N4BP2L2: variants seen among roughly 807,000 people sequenced by gnomAD.
The protein encoded by N4BP2L2 is NEDD4-binding protein 2-like 2.
A neutral mutation model predicts 56.2 loss-of-function variants in N4BP2L2; 50 were observed. That is an observed-to-expected ratio of 0.89 (90% confidence interval 0.71 to 1.13). The LOEUF (loss-of-function observed/expected upper bound fraction) is 1.13, where lower values mean the gene tolerates loss of function less well. Among genes scored for constraint, N4BP2L2 ranks in the 50% most tolerant of loss-of-function variants. The pLI is 0.00. For missense variants in N4BP2L2, 689 were observed against 693.8 expected (o/e 0.99, Z 0.08); for synonymous variants, 203 against 223.6 (o/e 0.91, Z 0.82).
chr13:32,443,953 T>C (rs200162925), exon 7 of N4BP2L2: 1 of 1,601,594 alleles, frequency 6.2e-7, no homozygotes, highest in Non-Finnish European at 8.5e-7. Flanking sequence ...CTTTTCAATG[T>C]CTTCCTCTTC....
intron 9 of N4BP2L2, among the ~76,000 whole-genome samples, chr13:32,435,986 C>T (rs532137976): frequency 1.3e-5 from 2 of 152,246 alleles, no homozygotes; most frequent in African/African-American, 4.8e-5. Flanking sequence ...TACCTCTTTT[C>T]CTAGAGAATC....
rs2076575506 is a variant in N4BP2L2, at chr13:32,442,895, GTT to G, written c.1595_1596del (p.Lys532ThrfsTer5). On this transcript the variant is annotated frameshift_variant, in exon 7 of 10. Transcript: ENST00000357505. LOFTEE classifies it high-confidence loss of function. ...AATGGATGATGATCAAAGGTCATAA[GTT>G]TTTGTTTATTCTCCTCTTCACTGTT... 8.7e-6 allele frequency: 14 copies of G among 1,612,862 alleles called. No homozygotes were observed. Among genetic ancestry groups the G allele is most frequent in the Non-Finnish European group, 1.1e-5 (13 of 1,179,522 alleles).
chr13:32,495,261 T>TA (rs927064675), intron 6 of N4BP2L2, among the ~76,000 whole-genome samples: 4 of 152,110 alleles, frequency 2.6e-5, no homozygotes, highest in African/African-American at 9.7e-5. Flanking sequence ...ATTTGGCAAA[T>TA]AGTGTCCTGA....
exon 6 of N4BP2L2, chr13:32,517,457 A>C: frequency 9.9e-7 from 1 of 1,007,598 alleles, no homozygotes; most frequent in Non-Finnish European, 1.2e-6. Context: ...TTAGATTTAG[A>C]TATGAACTAT....
exon 6 of N4BP2L2, chr13:32,510,601 C>T (rs1271894173): frequency 5.3e-5 from 8 of 150,318 alleles, no homozygotes; most frequent in African/African-American, 2.5e-5. Flanking sequence ...CAGGTTCAAG[C>T]GATTCTCCTA....
At chr13:32,484,893 TAA>T (rs2085546293) in intron 6 of N4BP2L2, among the ~76,000 whole-genome samples, 1 of 152,244 alleles carries the variant, frequency 6.6e-6, no homozygotes, top group Non-Finnish European at 1.5e-5. Context: ...ACCTCATAAC[TAA>T]ATTATTGCCA....
chr13:32,537,249 AAT>A (rs1044024543), intron 1 of N4BP2L2, among the ~76,000 whole-genome samples: 11 of 151,368 alleles, frequency 7.3e-5, no homozygotes, highest in African/African-American at 1.9e-4. Context: ...CTTTTTGAAA[AAT>A]ATATATATAT....
At chr13:32,470,417 C>T (rs1181354258) in intron 6 of N4BP2L2, among the ~76,000 whole-genome samples, 2 of 152,158 alleles carry the variant, frequency 1.3e-5, no homozygotes, top group African/African-American at 4.8e-5. Context: ...AATAGCCAAG[C>T]AGGCTATTCG....
Position 32,513,246 on chromosome 13 carries a change from A to G in N4BP2L2, c.*4556T>C, listed in dbSNP as rs936994347. 4 of 152,238 alleles carry G rather than the reference A, an allele frequency of 2.6e-5. No homozygotes were observed. In the East Asian group the frequency reaches 7.7e-4, roughly 29 times the overall value. The allele number at this position is 152,238 out of a possible 1,614,324, so 9.4% of individuals were successfully genotyped here. A position where few individuals can be genotyped will look rare whatever the true frequency, so the allele number is the denominator to read the frequency against. On this transcript the variant is annotated 3_prime_UTR_variant, in exon 6 of 6. Transcript: ENST00000267068. ...GAAACTTACAAACCATGCAAAAGTG[A>G]AAACTTAGGCTTAACATATTTGGCA... is the stretch of plus-strand genomic sequence containing the variant.
At chr13:32,521,139 G>A (rs1324255168) in intron 5 of N4BP2L2, among the ~76,000 whole-genome samples, 1 of 152,086 alleles carries the variant, frequency 6.6e-6, no homozygotes, top group Non-Finnish European at 1.5e-5. Context: ...AGAAAAGTGG[G>A]AGCAACATGA....
chr13:32,531,504 T>C (rs751754848), intron 2 of N4BP2L2, among the ~76,000 whole-genome samples: 3 of 152,220 alleles, frequency 2.0e-5, no homozygotes, highest in African/African-American at 7.2e-5. Flanking sequence ...TAAGTAAAAC[T>C]GACACATCAT....
chr13:32,433,931 C>CAAAAAAAAA (rs60540916), intron 9 of N4BP2L2, among the ~76,000 whole-genome samples: 1 of 86,124 alleles, frequency 1.2e-5, no homozygotes, highest in Non-Finnish European at 2.2e-5. Flanking sequence ...GACCGTGTCT[C>CAAAAAAAAA]AAAAAAAAAA....
At chr13:32,532,192 G>A (rs2055013218) in intron 2 of N4BP2L2, among the ~76,000 whole-genome samples, 1 of 152,196 alleles carries the variant, frequency 6.6e-6, no homozygotes, top group African/African-American at 2.4e-5. Context: ...TATCTTTGGA[G>A]GGGTACATTA....
At position 32,517,757 on chromosome 13, in the gene N4BP2L2, C is replaced by CT. The variant is rs767338299; in HGVS notation, c.*44dup. On this transcript the variant is annotated 3_prime_UTR_variant, in exon 6 of 6. Coordinates refer to ENST00000267068, the Ensembl canonical transcript of N4BP2L2. ...AAACTCCAAGACAGGCTCACTAACT[C>CT]TTTTTCAAGTGCAACAACAAATGTG... The CT allele has an allele frequency of 3.5e-5, 56 of 1,602,410 alleles. No homozygotes were observed. The East Asian group carries it at 6.5e-4, about 19-fold the overall frequency.
In N4BP2L2 at chr13:32,495,824, C is replaced by CAG. The variant is rs573173109; in HGVS notation, c.365+22031_365+22032dup. Among the ~76,000 whole-genome samples, 28 of 152,294 alleles carry CAG rather than the reference C, an allele frequency of 1.8e-4. No individual in the cohort carries two copies. The East Asian group carries it at 5.4e-3, about 29-fold the overall frequency. On this transcript the variant is annotated intron_variant, in intron 6 of 9. Transcript: ENST00000357505. ...TCAGTCTCCTGAGTAGCTGGGATTA[C>CAG]AGGTGTCTGCTACCATGCCCAGGTA... is the stretch of plus-strand genomic sequence containing the variant.
intron 2 of N4BP2L2, 142 bp from the exon 3 acceptor site, chr13:32,527,674 A>G (rs1269535635): frequency 2.2e-6 from 2 of 902,840 alleles, no homozygotes; most frequent in Non-Finnish European, 3.3e-6. Context: ...ACCTGAAAGT[A>G]TATCACGAAC....
chr13:32,456,273 G>A (rs1035841850), intron 6 of N4BP2L2, among the ~76,000 whole-genome samples: 1 of 152,074 alleles, frequency 6.6e-6, no homozygotes, highest in African/African-American at 2.4e-5. Context: ...CACAGATGCT[G>A]TTTACAGTTG....
At chr13:32,463,252 T>C (rs184180667) in intron 6 of N4BP2L2, among the ~76,000 whole-genome samples, 22 of 152,158 alleles carry the variant, frequency 1.4e-4, no homozygotes, top group African/African-American at 5.3e-4. Context: ...CAACTGATAT[T>C]ATGCAGTCTA....
chr13:32,520,987 G>A (rs572557552), intron 5 of N4BP2L2, among the ~76,000 whole-genome samples: 6 of 152,296 alleles, frequency 3.9e-5, no homozygotes, highest in Admixed American at 1.3e-4. Flanking sequence ...ATTATAACAT[G>A]CTCCCCCAAA....
Sources: allele counts gnomAD v4.1 joint callset (sites outside exome capture counted in the v4.1 genomes callset), GRCh38; gene constraint gnomAD v4.1.1; transcripts MANE v1.5; gene names NCBI Gene and HGNC (gene_info 2026-07-23, HGNC 2026-07-21).